Variants in ENTREP2 observed in about 807,000 individuals in gnomAD.
ENTREP2 encodes protein ENTREP2.
At chr15:29,631,979 T>C in the ENTREP2 span, among the ~76,000 whole-genome samples, 1 of 152,156 alleles carries the variant, frequency 6.6e-6, no homozygotes, top group East Asian at 1.9e-4. Flanking sequence ...GTTGCTAAGG[T>C]GTGCACTTAG....
At chr15:29,538,380 G>C in the ENTREP2 span, among the ~76,000 whole-genome samples, 1 of 152,242 alleles carries the variant, frequency 6.6e-6, no homozygotes, top group South Asian at 2.1e-4. Flanking sequence ...AGAGGCAAAC[G>C]ATGACTGATC....
At chr15:29,280,470 C>G in the ENTREP2 span, among the ~76,000 whole-genome samples, 3 of 152,100 alleles carry the variant, frequency 2.0e-5, no homozygotes, top group African/African-American at 4.8e-5. Context: ...GAAGGAGGTA[C>G]AAAGAAGGCC....
the ENTREP2 span, among the ~76,000 whole-genome samples, chr15:29,573,005 G>T: frequency 1.1e-4 from 16 of 152,208 alleles, no homozygotes; most frequent in African/African-American, 3.6e-4. Flanking sequence ...TAGTGGAGAT[G>T]TCGAGAATTG....
the ENTREP2 span, among the ~76,000 whole-genome samples, chr15:29,253,178 C>T: frequency 6.6e-6 from 1 of 152,168 alleles, no homozygotes; most frequent in South Asian, 2.1e-4. Context: ...CACTTTGAAT[C>T]AGGCCACACA....
the ENTREP2 span, among the ~76,000 whole-genome samples, chr15:29,414,399 A>C: frequency 6.6e-6 from 1 of 152,186 alleles, no homozygotes; most frequent in African/African-American, 2.4e-5. Flanking sequence ...CTGAATGACT[A>C]CTGGGTACAT....
chr15:29,145,581 CCACTG>C, the ENTREP2 span, among the ~76,000 whole-genome samples: 1 of 141,714 alleles, frequency 7.1e-6, no homozygotes, highest in Non-Finnish European at 1.5e-5. Flanking sequence ...CGAGATTATA[CCACTG>C]CACTCCAGCC....
At chr15:29,583,285 T>C in the ENTREP2 span, among the ~76,000 whole-genome samples, 1 of 152,146 alleles carries the variant, frequency 6.6e-6, no homozygotes, top group African/African-American at 2.4e-5. Context: ...GTGGTACATA[T>C]ACACCAGGGA....
the ENTREP2 span, among the ~76,000 whole-genome samples, chr15:29,657,489 G>GGGGGGGGGT: frequency 3.8e-5 from 5 of 132,208 alleles, no homozygotes; most frequent in African/African-American, 1.5e-4. Flanking sequence ...GGGGCGGGGG[G>GGGGGGGGGT]GGGGGGTGGC....
At chr15:29,597,590 C>T in the ENTREP2 span, among the ~76,000 whole-genome samples, 1 of 150,940 alleles carries the variant, frequency 6.6e-6, no homozygotes, top group Non-Finnish European at 1.5e-5. Context: ...AAAGATTCAT[C>T]CATAACTTTG....
the ENTREP2 span, among the ~76,000 whole-genome samples, chr15:29,300,297 T>C: frequency 0.021 from 641 of 31,002 alleles, 6 homozygotes; most frequent in African/African-American, 0.095. Flanking sequence ...GGTAGGTGGG[T>C]AGATGGATGG....
the ENTREP2 span, among the ~76,000 whole-genome samples, chr15:29,619,178 G>A: frequency 1.3e-5 from 2 of 152,194 alleles, no homozygotes; most frequent in Non-Finnish European, 1.5e-5. Context: ...GGATCACAAG[G>A]TCAGGAGATC....
chr15:29,672,267 C>T, the ENTREP2 span, among the ~76,000 whole-genome samples: 1 of 152,108 alleles, frequency 6.6e-6, no homozygotes, highest in Non-Finnish European at 1.5e-5. Context: ...GGATTACAGG[C>T]ATGAGCCACC....
chr15:29,374,086 C>A, the ENTREP2 span: 2 of 151,508 alleles, frequency 1.3e-5, no homozygotes, highest in African/African-American at 2.4e-5. Flanking sequence ...TATGCATTTG[C>A]TAAATTCAAA....
At chr15:29,207,172 G>C in the ENTREP2 span, among the ~76,000 whole-genome samples, 3 of 152,128 alleles carry the variant, frequency 2.0e-5, no homozygotes, top group African/African-American at 7.2e-5. Flanking sequence ...TGCAGTCCCT[G>C]CCAGACCTGA....
the ENTREP2 span, among the ~76,000 whole-genome samples, chr15:29,644,151 G>A: frequency 2.0e-5 from 3 of 152,150 alleles, no homozygotes; most frequent in Non-Finnish European, 2.9e-5. Context: ...ATGAACCCTG[G>A]AAACAGCATG....
the ENTREP2 span, among the ~76,000 whole-genome samples, chr15:29,661,892 C>T: frequency 1.3e-5 from 2 of 152,098 alleles, no homozygotes; most frequent in African/African-American, 4.8e-5. Flanking sequence ...TCCATGTCTA[C>T]CTAAGACATC....
chr15:29,397,601 C>T, the ENTREP2 span, among the ~76,000 whole-genome samples: 3 of 152,120 alleles, frequency 2.0e-5, no homozygotes, highest in Admixed American at 6.5e-5. Context: ...AAAGCATGGG[C>T]TCTATGCAAA....
the ENTREP2 span, among the ~76,000 whole-genome samples, chr15:29,448,116 T>G: frequency 6.6e-6 from 1 of 152,168 alleles, no homozygotes; most frequent in Non-Finnish European, 1.5e-5. Context: ...TATTTAAATT[T>G]TTTTGAACTT....
chr15:29,296,673 G>C, the ENTREP2 span, among the ~76,000 whole-genome samples: 1 of 152,266 alleles, frequency 6.6e-6, no homozygotes, highest in East Asian at 1.9e-4. Flanking sequence ...AGTAATCCTA[G>C]TTACAGTAAC....
Sources: gnomAD v4.1 joint callset for allele counts (sites outside exome capture counted in the v4.1 genomes callset) on GRCh38, gnomAD v4.1.1 for gene constraint, MANE v1.5 for transcripts, NCBI Gene and HGNC (gene_info 2026-07-23, HGNC 2026-07-21) for gene names.